The following CYB5B variants were observed in gnomAD, a reference collection of about 807,000 sequenced individuals.
CYB5B encodes the protein cytochrome b5 type B (outer mitochondrial membrane).
A neutral mutation model predicts 21.3 loss-of-function variants in CYB5B; 14 were observed. The ratio of observed to expected loss-of-function variants is 0.66; its 90% CI spans 0.43 to 1.03. The LOEUF (loss-of-function observed/expected upper bound fraction) is 1.03. Ranked by LOEUF, CYB5B falls within the 50% of genes least tolerant of loss-of-function variation. The pLI, the probability that CYB5B is intolerant of heterozygous loss-of-function variation, is 0.00. For synonymous variants in CYB5B, 69 were observed against 68.4 expected, an observed-to-expected ratio of 1.01 and a Z score of -0.04; for missense variants, 166 against 185.1, an observed-to-expected ratio of 0.90 and a Z score of 0.60.
chr16:69,427,458 A>G (rs1419275819), intron 1 of CYB5B, among the ~76,000 whole-genome samples: 1 of 151,978 alleles, frequency 6.6e-6, no homozygotes, highest in Non-Finnish European at 1.5e-5. Context: ...ACATGCTGAT[A>G]TAGCCAGAGA....
At chr16:69,438,562 C>G (rs2014785883) in intron 1 of CYB5B, among the ~76,000 whole-genome samples, 1 of 151,828 alleles carries the variant, frequency 6.6e-6, no homozygotes, top group East Asian at 1.9e-4. Context: ...TTGTAGCCAT[C>G]CTAGCAGGTG....
chr16:69,436,334 T>C (rs928913364), intron 1 of CYB5B, among the ~76,000 whole-genome samples: 3 of 152,214 alleles, frequency 2.0e-5, no homozygotes, highest in African/African-American at 7.2e-5. Context: ...TATGGCATTG[T>C]GAGAATCAGT....
intron 1 of CYB5B, among the ~76,000 whole-genome samples, chr16:69,434,654 A>G (rs2014741040): frequency 6.6e-6 from 1 of 152,136 alleles, no homozygotes; most frequent in African/African-American, 2.4e-5. Flanking sequence ...TCACGAGGTC[A>G]GCAGATCGAG....
In CYB5B at chr16:69,434,617, GC is replaced by G. The variant is rs1319504046; in HGVS notation, c.174+9763del. Reference sequence around the variant, plus strand: ...GCTGTGGCTCACGCCTGTAATCCCAGCCCTTTGGGAGGCTGAGGTGGGCAGA... The same window carrying G: ...GCTGTGGCTCACGCCTGTAATCCCAGCCTTTGGGAGGCTGAGGTGGGCAGA... On this transcript the variant is annotated intron_variant, in intron 1 of 4. Transcript: ENST00000307892. 2.0e-5 allele frequency among the ~76,000 whole-genome samples: 3 copies of G among 152,168 alleles called. No individual in the cohort carries two copies. In the East Asian group the frequency reaches 5.8e-4, roughly 29 times the overall value.
chr16:69,459,548 C>T (rs920024641), intron 4 of CYB5B: 12 of 154,676 alleles, frequency 7.8e-5, no homozygotes, highest in East Asian at 3.8e-4. Context: ...AAAAATACTA[C>T]GGTCATATTT....
At chr16:69,445,683 G>A (rs926165791) in intron 1 of CYB5B, among the ~76,000 whole-genome samples, 1 of 152,150 alleles carries the variant, frequency 6.6e-6, no homozygotes, top group African/African-American at 2.4e-5. Flanking sequence ...AGTTTCAGAG[G>A]CTGGGCATGG....
At position 69,447,206 on chromosome 16, in the gene CYB5B, C is replaced by T; in HGVS notation, c.231C>T (p.Ser77=). Residue 77 remains serine (S), a synonymous_variant, in exon 2 of 5, where the codon AGC becomes AGT. Coordinates refer to ENST00000307892, the MANE Select transcript of CYB5B (RefSeq NM_030579.3). ...LEQAGVDASE[S]FEDVGHSSDA... The stretch of plus-strand genomic sequence containing the variant: ...AAGCTGGTGTAGATGCAAGTGAAAG[C>T]TTTGAAGATGTAGGACACTCTTCTG... 1.2e-6 allele frequency: 2 copies of T among 1,614,078 alleles called. No homozygotes were observed. Among genetic ancestry groups the T allele is most frequent in the Non-Finnish European group, 1.7e-6 (2 of 1,180,014 alleles).
At chr16:69,434,473 A>G (rs868054537) in intron 1 of CYB5B, among the ~76,000 whole-genome samples, 1 of 152,226 alleles carries the variant, frequency 6.6e-6, no homozygotes, top group African/African-American at 2.4e-5. Flanking sequence ...AAGTGTTTAT[A>G]TAATTTTATA....
At position 69,465,764 on chromosome 16, in the gene CYB5B, C is replaced by G. The variant is rs2015083482; in HGVS notation, c.*3244C>G. 6.6e-6 allele frequency: 1 copy of G among 152,182 alleles called. No individual in the cohort carries two copies. Among genetic ancestry groups the G allele is most frequent in the African/African-American group, 2.4e-5 (1 of 41,440 alleles). The allele number at this position is 152,182 out of a possible 1,614,324, so 9.4% of individuals were successfully genotyped here. On this transcript the variant is annotated 3_prime_UTR_variant, in exon 5 of 5. Coordinates refer to ENST00000307892, the MANE Select transcript of CYB5B (RefSeq NM_030579.3). ...TTAATGTTCATTACCTCCTCCTACC[C>G]CAAGAGAAATGGATTCAGACATGTC...
chr16:69,449,307 C>A (rs1425081896), intron 3 of CYB5B: 2 of 152,128 alleles, frequency 1.3e-5, no homozygotes, highest in African/African-American at 4.8e-5. Flanking sequence ...CTGGAGGTAA[C>A]CAGCCATCAT....
intron 2 of CYB5B, 77 bp downstream of exon 2, chr16:69,447,355 T>G: frequency 7.0e-7 from 1 of 1,435,370 alleles, no homozygotes; most frequent in Non-Finnish European, 9.6e-7. Context: ...AAGAAATGAA[T>G]TATTGGCTGG....
chr16:69,443,872 AAAC>A (rs1303269730), intron 1 of CYB5B: 6 of 155,796 alleles, frequency 3.9e-5, no homozygotes, highest in South Asian at 2.0e-4. Flanking sequence ...ACAAACAAAC[AAAC>A]AACAACAACA....
chr16:69,426,509 A>G (rs2142806024), intron 1 of CYB5B, among the ~76,000 whole-genome samples: 1 of 151,714 alleles, frequency 6.6e-6, no homozygotes, highest in South Asian at 2.1e-4. Context: ...GTTCCAGACC[A>G]GCCTGACCAA....
intron 1 of CYB5B, among the ~76,000 whole-genome samples, chr16:69,437,135 T>A (rs930022551): frequency 6.6e-6 from 1 of 152,236 alleles, no homozygotes; most frequent in Non-Finnish European, 1.5e-5. Context: ...TGATTATTAT[T>A]GCTTGATTTA....
chr16:69,435,539 A>G (rs894086416), intron 1 of CYB5B, among the ~76,000 whole-genome samples: 3 of 152,200 alleles, frequency 2.0e-5, no homozygotes, highest in African/African-American at 7.2e-5. Flanking sequence ...AAGCTTTGGC[A>G]TTTGACTAAT....
At chr16:69,461,479 CAA>C (rs2015035368) in intron 4 of CYB5B, among the ~76,000 whole-genome samples, 1 of 152,126 alleles carries the variant, frequency 6.6e-6, no homozygotes, top group Non-Finnish European at 1.5e-5. Flanking sequence ...CATGTTTAGG[CAA>C]AGAGAATCAT....
At chr16:69,459,412 T>C (rs1480921368) in intron 4 of CYB5B, 2 of 307,762 alleles carry the variant, frequency 6.5e-6, no homozygotes, top group Non-Finnish European at 1.2e-5. Context: ...GACAGGTAGC[T>C]ACTATTGGGT....
At position 69,424,853 on chromosome 16, in the gene CYB5B, AC is replaced by A; in HGVS notation, c.171del (p.Asn57LysfsTer16). On this transcript the variant is annotated frameshift_variant, in exon 1 of 5. Transcript: ENST00000307892. LOFTEE classifies it high-confidence loss of function. The stretch of plus-strand genomic sequence containing the variant: ...GTCTACGATGTCACCCGCTTCCTCA[AC>A]GAGGTGGGGCCTGGGAGGTGGGAGG... ...GRVYDVTRFL[N>X]EHPGGEEVLL... The A allele has an allele frequency of 6.3e-7, 1 of 1,578,636 alleles. No individual in the cohort carries two copies. Among genetic ancestry groups the A allele is most frequent in the Non-Finnish European group, 8.6e-7 (1 of 1,161,730 alleles).
chr16:69,455,202 T>G (rs1484718198), intron 3 of CYB5B, among the ~76,000 whole-genome samples: 6 of 152,068 alleles, frequency 3.9e-5, no homozygotes, highest in Non-Finnish European at 8.8e-5. Flanking sequence ...CTTCCCTGTC[T>G]GTCGTAATGC....
Sources: gnomAD v4.1 joint callset for allele counts (sites outside exome capture counted in the v4.1 genomes callset) on GRCh38, gnomAD v4.1.1 for gene constraint, MANE v1.5 for transcripts, NCBI Gene and HGNC (gene_info 2026-07-23, HGNC 2026-07-21) for gene names.